The following GSG1L variants were observed in gnomAD, a reference collection of about 807,000 sequenced individuals.
GSG1L encodes the protein germ cell-specific gene 1-like protein.
GSG1L carries 24 observed loss-of-function variants against 42.1 expected under a neutral mutation model. That is an observed-to-expected ratio of 0.57 (90% CI 0.41 to 0.80). The LOEUF (loss-of-function observed/expected upper bound fraction) is 0.80, where lower values mean the gene tolerates loss of function less well. Ranked by LOEUF, GSG1L falls within the 30% of genes least tolerant of loss-of-function variation. GSG1L has a pLI of 0.00. For missense variants in GSG1L, 445 were observed against 472.2 expected, an observed-to-expected ratio of 0.94 and a Z score of 0.53; for synonymous variants, 215 against 203.5, an observed-to-expected ratio of 1.06 and a Z score of -0.48.
intron 2 of GSG1L, among the ~76,000 whole-genome samples, chr16:27,937,554 T>C (rs1364600072): frequency 6.6e-6 from 1 of 152,208 alleles, no homozygotes; most frequent in Non-Finnish European, 1.5e-5. Flanking sequence ...TTCTGCCCTC[T>C]CGAAGGACCA....
intron 1 of GSG1L, among the ~76,000 whole-genome samples, chr16:28,051,087 T>C (rs879456314): frequency 1.4e-4 from 21 of 152,180 alleles, no homozygotes; most frequent in Admixed American, 3.9e-4. Context: ...TAGGTGTTCA[T>C]GAAAATGAAT....
chr16:27,803,588 A>G, intron 6 of GSG1L, among the ~76,000 whole-genome samples: 1 of 151,946 alleles, frequency 6.6e-6, no homozygotes, highest in East Asian at 1.9e-4. Context: ...TAGGAATTCT[A>G]CCAGCAGAGG....
chr16:27,847,490 G>T (rs2083456774), intron 3 of GSG1L, among the ~76,000 whole-genome samples: 1 of 152,206 alleles, frequency 6.6e-6, no homozygotes, highest in African/African-American at 2.4e-5. Flanking sequence ...GAGTCCAGGG[G>T]GGCTAAGAAT....
In GSG1L at chr16:27,946,660, GAAAGAAAGAAA is replaced by G. The variant is rs1567530131; in HGVS notation, c.397+16485_397+16495del. Among the ~76,000 whole-genome samples, 421 of 120,620 alleles carry G rather than the reference GAAAGAAAGAAA, an allele frequency of 3.5e-3. 11 individuals are homozygous for G. Among genetic ancestry groups the G allele is most frequent in the African/African-American group, 0.012 (403 of 32,510 alleles). 79.1% of individuals were successfully genotyped at this position (120,620 alleles called of 152,430 possible). On this transcript the variant is annotated intron_variant, in intron 2 of 6. Coordinates refer to ENST00000447459, the MANE Select transcript of GSG1L (RefSeq NM_001109763.2). ...GAAAGAAAGAAAGAAAGAAAGAAAA[GAAAGAAAGAAA>G]GAAAGAAAGAAAGAAAGAAAGAATT... is the stretch of plus-strand genomic sequence containing the variant.
At chr16:27,926,488 G>A (rs1427122212) in intron 2 of GSG1L, among the ~76,000 whole-genome samples, 1 of 151,354 alleles carries the variant, frequency 6.6e-6, no homozygotes, top group African/African-American at 2.4e-5. Context: ...GGCCAACATG[G>A]TGAAATCCTA....
intron 2 of GSG1L, among the ~76,000 whole-genome samples, chr16:27,911,943 T>C (rs2084396445): frequency 6.6e-6 from 1 of 152,210 alleles, no homozygotes; most frequent in Non-Finnish European, 1.5e-5. Context: ...GGGGTTTTTG[T>C]CTCCTATATG....
At chr16:27,988,653 T>C (rs1055024514) in intron 1 of GSG1L, among the ~76,000 whole-genome samples, 3 of 151,796 alleles carry the variant, frequency 2.0e-5, no homozygotes, top group Non-Finnish European at 4.4e-5. Context: ...AATACACTAA[T>C]ATAAAAGTAA....
At chr16:27,946,206 G>A (rs2084858517) in intron 2 of GSG1L, among the ~76,000 whole-genome samples, 1 of 152,140 alleles carries the variant, frequency 6.6e-6, no homozygotes, top group Non-Finnish European at 1.5e-5. Context: ...CGGCCACTCT[G>A]GTGTAAAGCA....
At chr16:27,952,023 A>C (rs2084955672) in intron 2 of GSG1L, among the ~76,000 whole-genome samples, 1 of 152,192 alleles carries the variant, frequency 6.6e-6, no homozygotes, top group Non-Finnish European at 1.5e-5. Context: ...GCTGCCAGAA[A>C]TCCCAGGGCA....
intron 3 of GSG1L, among the ~76,000 whole-genome samples, chr16:27,862,621 T>C (rs2083668030): frequency 6.6e-6 from 1 of 152,186 alleles, no homozygotes; most frequent in South Asian, 2.1e-4. Flanking sequence ...GCAAAATGGC[T>C]CTGGGGCTGG....
At chr16:27,897,116 G>A (rs902654642) in intron 2 of GSG1L, among the ~76,000 whole-genome samples, 2 of 152,078 alleles carry the variant, frequency 1.3e-5, no homozygotes, top group African/African-American at 2.4e-5. Flanking sequence ...CCCCCACCTC[G>A]GCCTCCCAAA....
chr16:27,969,985 T>G (rs1479740182), intron 1 of GSG1L, among the ~76,000 whole-genome samples: 1 of 152,242 alleles, frequency 6.6e-6, no homozygotes, highest in African/African-American at 2.4e-5. Flanking sequence ...TTCATGGGCT[T>G]ATTGCCCATT....
intron 1 of GSG1L, among the ~76,000 whole-genome samples, chr16:28,033,692 A>C (rs1330463151): frequency 6.6e-6 from 1 of 152,176 alleles, no homozygotes; most frequent in Non-Finnish European, 1.5e-5. Context: ...GGAAACAAAA[A>C]ATTAAAATAA....
At chr16:28,017,313 T>C (rs1267489129) in intron 1 of GSG1L, among the ~76,000 whole-genome samples, 1 of 152,194 alleles carries the variant, frequency 6.6e-6, no homozygotes, top group African/African-American at 2.4e-5. Flanking sequence ...GAACAGAACA[T>C]ACCCAGGACC....
chr16:28,003,334 G>GGACT (rs2085600180), intron 1 of GSG1L, among the ~76,000 whole-genome samples: 1 of 152,244 alleles, frequency 6.6e-6, no homozygotes, highest in Non-Finnish European at 1.5e-5. Context: ...CCAGCAGCAG[G>GGACT]GACTGCAGGG....
At chr16:27,791,533 C>T (rs1310105337) in intron 6 of GSG1L, 66 bp from the exon 7 acceptor site, 8 of 1,058,806 alleles carry the variant, frequency 7.6e-6, no homozygotes, top group South Asian at 7.2e-5. Context: ...GTCTACCCAC[C>T]GCCCCCCACC....
intron 1 of GSG1L, among the ~76,000 whole-genome samples, chr16:27,966,187 A>G (rs986675373): frequency 3.9e-5 from 6 of 152,100 alleles, no homozygotes; most frequent in Non-Finnish European, 8.8e-5. Context: ...TTTCCATTTA[A>G]TCTATCTAAA....
intron 5 of GSG1L, among the ~76,000 whole-genome samples, chr16:27,812,221 G>A (rs1015635158): frequency 2.0e-5 from 3 of 152,118 alleles, no homozygotes; most frequent in African/African-American, 7.2e-5. Flanking sequence ...GGGGACCACA[G>A]GGACCACCCA....
intron 1 of GSG1L, among the ~76,000 whole-genome samples, chr16:28,055,148 T>C (rs1462604249): frequency 1.3e-5 from 2 of 152,108 alleles, no homozygotes; most frequent in African/African-American, 4.8e-5. Flanking sequence ...TGCAGCATTA[T>C]TCTATTTTTA....
Sources: gnomAD v4.1 joint callset for allele counts (sites outside exome capture counted in the v4.1 genomes callset) on GRCh38, gnomAD v4.1.1 for gene constraint, MANE v1.5 for transcripts, NCBI Gene and HGNC (gene_info 2026-07-23, HGNC 2026-07-21) for gene names.